Variants in LIMS1 observed in about 807,000 individuals in gnomAD.
LIMS1 encodes the protein LIM zinc finger domain containing 1.
In LIMS1, 18 loss-of-function variants were observed where a neutral mutation model predicts 44.1. The observed-to-expected ratio is 0.41, with a 90% CI of 0.28 to 0.61. The LOEUF (loss-of-function observed/expected upper bound fraction) is 0.61, where lower values mean the gene tolerates loss of function less well. LIMS1 is among the 20% of genes least tolerant of loss of function. The pLI is 0.32. For synonymous variants in LIMS1, 93 were observed against 149.1 expected, an observed-to-expected ratio of 0.62 and a Z score of 2.74; for missense variants, 201 against 422.0, an observed-to-expected ratio of 0.48 and a Z score of 4.59.
intron 1 of LIMS1, among the ~76,000 whole-genome samples, chr2:108,612,144 C>G (rs1427722435): frequency 6.7e-6 from 1 of 149,748 alleles, no homozygotes; most frequent in Non-Finnish European, 1.5e-5. Context: ...AGGATTAAAA[C>G]TTCAGGCCTT....
At position 108,563,240 on chromosome 2, in the gene LIMS1, G is replaced by A. The variant is rs187127566; in HGVS notation, c.32+28646G>A. Among the ~76,000 whole-genome samples the A allele has an allele frequency of 1.3e-3, 196 of 152,350 alleles. 1 individual carries two copies. Among genetic ancestry groups the A allele is most frequent in the Non-Finnish European group, 2.3e-3 (156 of 68,038 alleles). ...CACAGCATCCATTCTGCAGCGCAGGGATCAAGGAGTAACTTCATTCTTATT... is the reference window on the plus strand; with the variant it reads ...CACAGCATCCATTCTGCAGCGCAGGAATCAAGGAGTAACTTCATTCTTATT... On this transcript the variant is annotated intron_variant, in intron 1 of 9. Coordinates refer to ENST00000544547, the Ensembl canonical transcript of LIMS1.
At chr2:108,681,354 T>C in intron 9 of LIMS1, 1 of 984,848 alleles carries the variant, frequency 1.0e-6, no homozygotes, top group Non-Finnish European at 1.2e-6. Context: ...TACAGTTTTG[T>C]GGTCATGTAT....
At chr2:108,669,718 C>T (rs564437607) in intron 2 of LIMS1, among the ~76,000 whole-genome samples, 2 of 117,990 alleles carry the variant, frequency 1.7e-5, no homozygotes, top group Non-Finnish European at 3.7e-5. Flanking sequence ...TAGCATTTCT[C>T]TATTAAAAAA....
chr2:108,556,090 A>G (rs979789760), intron 1 of LIMS1, among the ~76,000 whole-genome samples: 1 of 152,222 alleles, frequency 6.6e-6, no homozygotes, highest in Admixed American at 6.5e-5. Flanking sequence ...CGATTAAACA[A>G]TAACTCCCAT....
At chr2:108,618,498 A>G (rs1415202787) in intron 1 of LIMS1, among the ~76,000 whole-genome samples, 1 of 151,882 alleles carries the variant, frequency 6.6e-6, no homozygotes, top group East Asian at 1.9e-4. Flanking sequence ...GAGGGAAAGC[A>G]GTCCTCTCTC....
intron 5 of LIMS1, among the ~76,000 whole-genome samples, chr2:108,674,584 G>T (rs1236096556): frequency 1.3e-5 from 2 of 150,630 alleles, no homozygotes; most frequent in East Asian, 2.0e-4. Flanking sequence ...AGCCAGGCGT[G>T]GTGGTGGGTG....
chr2:108,685,953 T>C (rs1024432945), exon 10 of LIMS1: 3 of 152,188 alleles, frequency 2.0e-5, no homozygotes, highest in Non-Finnish European at 4.4e-5. Context: ...ACTGCTTGTG[T>C]TTGTTTACAT....
At chr2:108,589,655 C>G (rs1278365213) in intron 1 of LIMS1, among the ~76,000 whole-genome samples, 2 of 152,150 alleles carry the variant, frequency 1.3e-5, no homozygotes, top group African/African-American at 4.8e-5. Flanking sequence ...GTAAACTTCC[C>G]TGTTAGCACT....
At chr2:108,685,640 C>T (rs778755156) in exon 10 of LIMS1, 3 of 152,022 alleles carry the variant, frequency 2.0e-5, no homozygotes, top group Non-Finnish European at 4.4e-5. Context: ...CATAAATGAT[C>T]GAGAATAATC....
At chr2:108,644,764 T>C (rs1689948766) in intron 1 of LIMS1, among the ~76,000 whole-genome samples, 1 of 151,968 alleles carries the variant, frequency 6.6e-6, no homozygotes, top group Non-Finnish European at 1.5e-5. Flanking sequence ...AAAGGTTAGA[T>C]GAATTGCTAA....
intron 2 of LIMS1, among the ~76,000 whole-genome samples, chr2:108,661,778 G>C (rs922877630): frequency 3.9e-5 from 6 of 152,186 alleles, no homozygotes; most frequent in African/African-American, 1.4e-4. Context: ...ACTATGGCAA[G>C]GAAGGAGGTG....
intron 2 of LIMS1, among the ~76,000 whole-genome samples, chr2:108,667,801 ATACT>A (rs1346364647): frequency 2.6e-5 from 4 of 152,002 alleles, no homozygotes; most frequent in African/African-American, 9.7e-5. Flanking sequence ...ATAAAATGGT[ATACT>A]TACTTGCATA....
chr2:108,594,752 A>G (rs1399681295), intron 1 of LIMS1, among the ~76,000 whole-genome samples: 1 of 152,330 alleles, frequency 6.6e-6, no homozygotes, highest in Non-Finnish European at 1.5e-5. Flanking sequence ...TGTCCAAGCT[A>G]TATACATATC....
chr2:108,545,084 G>A (rs1684439841), intron 1 of LIMS1, among the ~76,000 whole-genome samples: 1 of 152,094 alleles, frequency 6.6e-6, no homozygotes, highest in African/African-American at 2.4e-5. Flanking sequence ...AATTTGATAG[G>A]TTGATAAGTC....
chr2:108,637,099 A>ATATGTGTG (rs372431532), intron 1 of LIMS1, among the ~76,000 whole-genome samples: 27 of 98,530 alleles, frequency 2.7e-4, no homozygotes, highest in African/African-American at 8.4e-4. Context: ...ATATACATAT[A>ATATGTGTG]TGTGTGTGTG....
At chr2:108,637,982 A>C (rs187151980) in intron 1 of LIMS1, among the ~76,000 whole-genome samples, 1 of 151,716 alleles carries the variant, frequency 6.6e-6, no homozygotes, top group East Asian at 2.0e-4. Context: ...CAGCCTCCTT[A>C]GTAGCGCCTA....
intron 1 of LIMS1, among the ~76,000 whole-genome samples, chr2:108,574,319 T>C (rs947656427): frequency 6.6e-6 from 1 of 152,244 alleles, no homozygotes; most frequent in Non-Finnish European, 1.5e-5. Flanking sequence ...TTAAGCACTT[T>C]GAAGTTAAGG....
chr2:108,558,857 G>T (rs1685017900), intron 1 of LIMS1, among the ~76,000 whole-genome samples: 1 of 151,862 alleles, frequency 6.6e-6, no homozygotes, highest in South Asian at 2.1e-4. Context: ...TTTTGGTAGA[G>T]ACGGGGTTTC....
chr2:108,534,714 C>G (rs1057072410), intron 1 of LIMS1, 120 bp downstream of exon 1: 9 of 482,896 alleles, frequency 1.9e-5, no homozygotes, highest in African/African-American at 8.5e-5. Flanking sequence ...CGGCCTCCCC[C>G]GGTCGGCCGG....
Sources: allele counts gnomAD v4.1 joint callset (sites outside exome capture counted in the v4.1 genomes callset), GRCh38; gene constraint gnomAD v4.1.1; transcripts MANE v1.5; gene names NCBI Gene and HGNC (gene_info 2026-07-23, HGNC 2026-07-21).